Variants in ZBTB37 observed in about 807,000 individuals in gnomAD.
ZBTB37 encodes the protein zinc finger and BTB domain-containing protein 37.
A neutral mutation model predicts 37.7 loss-of-function variants in ZBTB37; 15 were observed. The observed-to-expected ratio is 0.40, with a 90% CI of 0.27 to 0.61. The LOEUF (loss-of-function observed/expected upper bound fraction) is 0.61, where lower values mean the gene tolerates loss of function less well. Ranked by LOEUF, ZBTB37 falls within the 20% of genes least tolerant of loss-of-function variation. The pLI is 0.44. For synonymous variants in ZBTB37, 231 were observed against 220.6 expected, an observed-to-expected ratio of 1.05 and a Z score of -0.42; for missense variants, 514 against 641.9, an observed-to-expected ratio of 0.80 and a Z score of 2.15.
At chr1:173,892,699 A>G (rs1457476009) in exon 4 of ZBTB37, 1 of 152,124 alleles carries the variant, frequency 6.6e-6, no homozygotes. Flanking sequence ...CTTACCTGAC[A>G]TTTTTACCAT....
At chr1:173,869,356 T>G (rs982447355) in intron 2 of ZBTB37, among the ~76,000 whole-genome samples, 2 of 128,750 alleles carry the variant, frequency 1.6e-5, no homozygotes, top group Non-Finnish European at 3.0e-5. Context: ...TTCAACTATC[T>G]TGTATACAGC....
intron 4 of ZBTB37, among the ~76,000 whole-genome samples, chr1:173,883,736 A>G (rs35571466): frequency 0.11 from 17,343 of 152,240 alleles, 1,090 homozygotes; most frequent in Middle Eastern, 0.18. Flanking sequence ...CAGTCTTAGT[A>G]TTCAACCCTT....
chr1:173,897,287 C>CT (rs1312896068), exon 4 of ZBTB37: 1 of 152,102 alleles, frequency 6.6e-6, no homozygotes. Context: ...GCTATGAGAG[C>CT]TTTTTGTTAC....
At chr1:173,875,078 C>G (rs1280104662) in intron 4 of ZBTB37, among the ~76,000 whole-genome samples, 2 of 148,772 alleles carry the variant, frequency 1.3e-5, no homozygotes, top group African/African-American at 5.0e-5. Flanking sequence ...AGGTAATTTG[C>G]AGGTAATTTA....
chr1:173,880,124 T>G (rs999223633), intron 4 of ZBTB37, among the ~76,000 whole-genome samples: 1 of 152,192 alleles, frequency 6.6e-6, no homozygotes, highest in Non-Finnish European at 1.5e-5. Flanking sequence ...CCAAGTGCAT[T>G]TTATTGCATT....
At chr1:173,892,461 G>A (rs1474478488) in exon 4 of ZBTB37, 8 of 152,136 alleles carry the variant, frequency 5.3e-5, no homozygotes, top group African/African-American at 1.7e-4. Context: ...TTCAGGATAA[G>A]CCAGAGTTAG....
chr1:173,887,222 A>G (rs1011259111), downstream of ZBTB37: 12 of 152,326 alleles, frequency 7.9e-5, no homozygotes, highest in African/African-American at 2.9e-4. Flanking sequence ...TCTTACTGCA[A>G]CCACAATTTC....
chr1:173,888,616 CGGTGTCTCTACA>C (rs1285948933), downstream of ZBTB37: 6 of 151,538 alleles, frequency 4.0e-5, no homozygotes, highest in African/African-American at 1.5e-4. Context: ...TTTGTAGAGA[CGGTGTCTCTACA>C]AAATTTGCCT....
chr1:173,895,301 C>A (rs1196687417), exon 4 of ZBTB37: 1 of 152,182 alleles, frequency 6.6e-6, no homozygotes, highest in Non-Finnish European at 1.5e-5. Context: ...CGGGATCTCA[C>A]CATGTTGCCT....
intron 3 of ZBTB37, among the ~76,000 whole-genome samples, chr1:173,872,118 G>C (rs1177692595): frequency 7.2e-5 from 11 of 152,120 alleles, no homozygotes; most frequent in African/African-American, 2.2e-4. Context: ...GTCCAGGCTG[G>C]AGTGCAGTGG....
exon 5 of ZBTB37, chr1:173,886,047 G>A (rs1261688533): frequency 8.4e-6 from 13 of 1,551,736 alleles, no homozygotes; most frequent in South Asian, 7.1e-5. Flanking sequence ...AGCTGAGGAA[G>A]AGTCACCTTC....
At chr1:173,890,730 C>T (rs1484407549), downstream of ZBTB37, 1 of 152,176 alleles carries the variant, frequency 6.6e-6, no homozygotes, top group Admixed American at 6.5e-5. Flanking sequence ...AATGCTGAGG[C>T]TACTTGCTTG....
At chr1:173,881,914 T>C (rs992897908) in intron 4 of ZBTB37, among the ~76,000 whole-genome samples, 28 of 151,706 alleles carry the variant, frequency 1.8e-4, no homozygotes, top group Admixed American at 1.1e-3. Flanking sequence ...ATTAGCCGGG[T>C]GTGGTGGCAA....
At chr1:173,890,348 G>C (rs1380082372), downstream of ZBTB37, 1 of 152,186 alleles carries the variant, frequency 6.6e-6, no homozygotes, top group African/African-American at 2.4e-5. Flanking sequence ...AAAGACAAAA[G>C]TCTTCTTCAT....
exon 5 of ZBTB37, chr1:173,885,636 G>C (rs1407421600): frequency 1.3e-6 from 2 of 1,549,872 alleles, no homozygotes; most frequent in Admixed American, 3.9e-5. Flanking sequence ...CCTGGTACAG[G>C]TAGAAGAGTC....
At chr1:173,868,564 G>C (rs1655190912) in intron 1 of ZBTB37, among the ~76,000 whole-genome samples, 159 bp downstream of exon 1, 1 of 152,136 alleles carries the variant, frequency 6.6e-6, no homozygotes, top group African/African-American at 2.4e-5. Context: ...CCACCCCCTT[G>C]GCCCCCGGCC....
intron 4 of ZBTB37, among the ~76,000 whole-genome samples, chr1:173,874,541 C>T (rs1379840615): frequency 2.6e-5 from 4 of 151,908 alleles, no homozygotes; most frequent in East Asian, 2.0e-4. Context: ...TGAGTAGAGA[C>T]GGGGTTTCAC....
intron 4 of ZBTB37, among the ~76,000 whole-genome samples, chr1:173,876,123 AT>A (rs200769731): frequency 4.1e-5 from 6 of 147,262 alleles, no homozygotes; most frequent in African/African-American, 7.5e-5. Context: ...GAGTTTGCTC[AT>A]TTTTTTTTTC....
At chr1:173,886,149 C>T (rs761104934) in exon 5 of ZBTB37, 8 of 1,537,250 alleles carry the variant, frequency 5.2e-6, no homozygotes, top group Admixed American at 2.0e-5. Flanking sequence ...GGGGGCTGAC[C>T]CTCTTCCCCT....
Sources: allele counts gnomAD v4.1 joint callset (sites outside exome capture counted in the v4.1 genomes callset), GRCh38; gene constraint gnomAD v4.1.1; transcripts MANE v1.5; gene names NCBI Gene and HGNC (gene_info 2026-07-23, HGNC 2026-07-21).